Variants in TFEC observed in about 807,000 individuals in gnomAD.
TFEC encodes class E basic helix-loop-helix protein 34.
TFEC carries 31 observed loss-of-function variants against 41.6 expected under a neutral mutation model. That is an observed-to-expected ratio of 0.74 (90% CI 0.56 to 1.01). The LOEUF (loss-of-function observed/expected upper bound fraction) is 1.01, where lower values mean the gene tolerates loss of function less well. TFEC is among the 50% of genes least tolerant of loss of function. The pLI, the probability that TFEC is intolerant of heterozygous loss-of-function variation, is 0.00. For missense variants in TFEC, 402 were observed against 404.1 expected (o/e 0.99, Z 0.04); for synonymous variants, 143 against 140.6 (o/e 1.02, Z -0.12).
chr7:116,029,413 C>T (rs979636382), intron 1 of TFEC, among the ~76,000 whole-genome samples: 8 of 152,034 alleles, frequency 5.3e-5, no homozygotes, highest in South Asian at 2.1e-4. Context: ...CAGAATTGTC[C>T]GAATAATGCT....
intron 4 of TFEC, 56 bp downstream of exon 4, chr7:115,956,623 C>A: frequency 7.7e-7 from 1 of 1,291,658 alleles, no homozygotes; most frequent in Non-Finnish European, 1.1e-6. Context: ...ATATGTCACT[C>A]ATAACTTATG....
At chr7:116,067,675 T>C (rs1056420054) in intron 3 of TFEC, among the ~76,000 whole-genome samples, 5 of 152,002 alleles carry the variant, frequency 3.3e-5, no homozygotes, top group Non-Finnish European at 7.4e-5. Flanking sequence ...TTTATTGAGA[T>C]CTACTATGTG....
At chr7:116,050,867 A>C (rs1796292747) in intron 3 of TFEC, among the ~76,000 whole-genome samples, 1 of 152,234 alleles carries the variant, frequency 6.6e-6, no homozygotes. Context: ...TTGCAGCACT[A>C]TTCACAATAG....
At chr7:115,991,395 T>C (rs1439453942) in intron 1 of TFEC, among the ~76,000 whole-genome samples, 3 of 152,136 alleles carry the variant, frequency 2.0e-5, no homozygotes, top group African/African-American at 4.8e-5. Flanking sequence ...TAAATGTAAA[T>C]GGGCTAAATG....
chr7:115,944,542 T>C (rs1286775089), intron 6 of TFEC, among the ~76,000 whole-genome samples: 1 of 151,778 alleles, frequency 6.6e-6, no homozygotes, highest in Non-Finnish European at 1.5e-5. Context: ...TAGAACTTTC[T>C]GAATATTTTG....
chr7:116,112,282 G>A (rs899203459), intron 1 of TFEC, among the ~76,000 whole-genome samples: 19 of 151,922 alleles, frequency 1.3e-4, no homozygotes, highest in African/African-American at 4.3e-4. Flanking sequence ...CAAAAGTATG[G>A]TACTAACAAT....
intron 3 of TFEC, among the ~76,000 whole-genome samples, chr7:116,055,392 G>A (rs1006213040): frequency 4.6e-5 from 7 of 151,936 alleles, no homozygotes; most frequent in Non-Finnish European, 7.4e-5. Context: ...ACAAAATCAT[G>A]AAAGATAGGA....
At chr7:116,017,395 T>G (rs921408895) in intron 1 of TFEC, among the ~76,000 whole-genome samples, 21 of 152,118 alleles carry the variant, frequency 1.4e-4, no homozygotes, top group Non-Finnish European at 2.8e-4. Context: ...GGCTAATTTT[T>G]GTATTTTTCG....
rs141582031 is a variant in TFEC, at chr7:116,067,792, C to A, written c.198+42916G>T. Among the ~76,000 whole-genome samples the A allele has an allele frequency of 2.8e-4, 43 of 152,038 alleles. No homozygotes were observed. The East Asian group carries it at 8.1e-3, about 29-fold the overall frequency. Reference sequence around the variant, plus strand: ...GTCTTTCCCACACTTACTCCACATTCCTCTTCGGCCTAATAATGTGTTTGG... The same window carrying A: ...GTCTTTCCCACACTTACTCCACATTACTCTTCGGCCTAATAATGTGTTTGG... On this transcript the variant is annotated intron_variant, in intron 3 of 8. Coordinates refer to the TFEC transcript ENST00000484212.
chr7:116,030,416 G>T lies in TFEC; in HGVS notation c.-73+217C>A, dbSNP rs550410089. Among the ~76,000 whole-genome samples, 65 of 152,190 alleles carry T rather than the reference G, an allele frequency of 4.3e-4. 1 individual carries two copies. The highest frequency in any genetic ancestry group is 1.5e-3 in the African/African-American group (62 of 41,530). ...CTAAAACAGTGATTTCCACATCTTGGTTGAAATAAGACATTAATAGAGTTT... is the reference window on the plus strand; with the variant it reads ...CTAAAACAGTGATTTCCACATCTTGTTTGAAATAAGACATTAATAGAGTTT... On this transcript the variant is annotated intron_variant, in intron 1 of 7. Coordinates refer to ENST00000265440, the MANE Select transcript of TFEC (RefSeq NM_012252.4).
chr7:116,082,286 C>T (rs1797108715), intron 3 of TFEC, among the ~76,000 whole-genome samples: 3 of 151,860 alleles, frequency 2.0e-5, no homozygotes, highest in Non-Finnish European at 2.9e-5. Context: ...TGCCTCACTC[C>T]CAAATTCACT....
intron 3 of TFEC, among the ~76,000 whole-genome samples, chr7:116,099,543 G>C (rs1797556085): frequency 6.6e-6 from 1 of 152,108 alleles, no homozygotes; most frequent in African/African-American, 2.4e-5. Context: ...CTTTCTTCTT[G>C]CTTTTAGATC....
chr7:116,086,312 G>A (rs568790510), intron 3 of TFEC, among the ~76,000 whole-genome samples: 2 of 151,874 alleles, frequency 1.3e-5, no homozygotes, highest in East Asian at 3.9e-4. Context: ...TTTCCAGTTA[G>A]TCAATAATGA....
intron 1 of TFEC, among the ~76,000 whole-genome samples, chr7:116,135,100 C>A (rs1273401363): frequency 6.6e-6 from 1 of 152,010 alleles, no homozygotes; most frequent in East Asian, 1.9e-4. Context: ...ATGTGGTAAT[C>A]CTTGATTTTT....
At chr7:116,002,389 C>T (rs1426631535) in intron 1 of TFEC, among the ~76,000 whole-genome samples, 1 of 152,088 alleles carries the variant, frequency 6.6e-6, no homozygotes, top group Non-Finnish European at 1.5e-5. Flanking sequence ...ATGGACGGTG[C>T]TGGAAGTCAT....
At chr7:115,985,386 G>A (rs1368130602) in intron 1 of TFEC, among the ~76,000 whole-genome samples, 1 of 152,114 alleles carries the variant, frequency 6.6e-6, no homozygotes, top group African/African-American at 2.4e-5. Context: ...TTGCCTGGCA[G>A]TAGTCTTTAT....
At chr7:116,101,873 C>G (rs1797612954) in intron 3 of TFEC, among the ~76,000 whole-genome samples, 1 of 152,156 alleles carries the variant, frequency 6.6e-6, no homozygotes, top group African/African-American at 2.4e-5. Flanking sequence ...TGTCTGAAAA[C>G]TGTGATTCAA....
chr7:116,120,962 C>G (rs988781242), intron 1 of TFEC, among the ~76,000 whole-genome samples: 2 of 151,830 alleles, frequency 1.3e-5, no homozygotes, highest in African/African-American at 4.8e-5. Context: ...AGAAGGATAA[C>G]CAGTATTATT....
upstream of TFEC, among the ~76,000 whole-genome samples, chr7:116,035,200 T>C (rs1490562807): frequency 6.6e-6 from 1 of 152,020 alleles, no homozygotes; most frequent in African/African-American, 2.4e-5. Context: ...ACTGCCTAAA[T>C]TTTGACTCCA....
Sources: gnomAD v4.1 joint callset for allele counts (sites outside exome capture counted in the v4.1 genomes callset) on GRCh38, gnomAD v4.1.1 for gene constraint, MANE v1.5 for transcripts, NCBI Gene and HGNC (gene_info 2026-07-23, HGNC 2026-07-21) for gene names.